Variants in ELFN1 observed in about 807,000 individuals in gnomAD.
The protein encoded by ELFN1 is extracellular leucine rich repeat and fibronectin type III domain containing 1, also known as protein ELFN1.
ELFN1 carries 6 observed loss-of-function variants against 7.6 expected under a neutral mutation model. The ratio of observed to expected loss-of-function variants is 0.79; its 90% confidence interval spans 0.43 to 1.56. ELFN1 has a LOEUF of 1.56. Among genes scored for constraint, ELFN1 ranks in the 40% most tolerant of loss-of-function variants. The pLI is 0.01. For missense variants in ELFN1, 1,169 were observed against 1,232.2 expected (o/e 0.95, Z 0.77); for synonymous variants, 657 against 588.1 (o/e 1.12, Z -1.70).
intron 3 of ELFN1, among the ~76,000 whole-genome samples, chr7:1,738,390 G>A (rs1391105080): frequency 6.6e-6 from 1 of 152,180 alleles, no homozygotes; most frequent in Non-Finnish European, 1.5e-5. Context: ...CCCCCTGCGG[G>A]CATGTCATAT....
At chr7:1,670,137 G>A (rs1778733753), upstream of ELFN1, among the ~76,000 whole-genome samples, 1 of 148,120 alleles carries the variant, frequency 6.8e-6, no homozygotes, top group South Asian at 2.2e-4. The surrounding 1 kb of genome is among the most constrained non-coding windows in gnomAD (Gnocchi z 6.4). Flanking sequence ...GGGCGAGGGA[G>A]CGAGGGAGGG....
chr7:1,747,340 G>A lies in ELFN1; in HGVS notation c.*257G>A. 1 of 209,156 alleles carries A rather than the reference G, an allele frequency of 4.8e-6. No individual in the cohort carries two copies. 13.0% of individuals were successfully genotyped at this position (209,156 alleles called of 1,614,324 possible). ...CACACACACACACACACACACGAGG[G>A]ACTTCGGAAAACTGTGTCTTAGGGA... On this transcript the variant is annotated 3_prime_UTR_variant, in exon 4 of 4. Transcript: ENST00000424383.
chr7:1,739,698 G>A lies in ELFN1; in HGVS notation c.-293-4606G>A, dbSNP rs1780553579. Among the ~76,000 whole-genome samples the A allele has an allele frequency of 6.6e-6, 1 of 152,178 alleles. No individual in the cohort carries two copies. Among genetic ancestry groups the A allele is most frequent in the Non-Finnish European group, 1.5e-5 (1 of 68,034 alleles). On this transcript the variant is annotated intron_variant, in intron 3 of 3. Transcript: ENST00000424383. The surrounding 1 kb of genome is among the most constrained non-coding windows in gnomAD (Gnocchi z 4.6). ...GGATGCTGGAGTGGAGAGGGCGGCAGGAGGGAGCCAGCAGCTTCCTGGGCC... is the reference window on the plus strand; with the variant it reads ...GGATGCTGGAGTGGAGAGGGCGGCAAGAGGGAGCCAGCAGCTTCCTGGGCC...
chr7:1,727,826 T>C lies in ELFN1; in HGVS notation c.-293-16478T>C, dbSNP rs188099257. ...TCTTGCTTTGTTGCCCAGTCGGATC[T>C]TGAACTCCTGGATTCAAGCAATCCT... is the stretch of plus-strand genomic sequence containing the variant. On this transcript the variant is annotated intron_variant, in intron 3 of 3. Coordinates refer to ENST00000424383, the MANE Select transcript of ELFN1 (RefSeq NM_001128636.4). Among the ~76,000 whole-genome samples, 1,019 of 152,274 alleles carry C rather than the reference T, an allele frequency of 6.7e-3. 11 individuals carry two copies. The highest frequency in any genetic ancestry group is 0.023 in the African/African-American group (940 of 41,554).
intron 1 of ELFN1, among the ~76,000 whole-genome samples, chr7:1,677,905 G>A (rs1227606994): frequency 3.3e-5 from 5 of 152,180 alleles, no homozygotes; most frequent in African/African-American, 1.2e-4. Flanking sequence ...AGGCAGGGAG[G>A]GACGTCAGGA....
intron 2 of ELFN1, chr7:1,693,622 G>A (rs1033122282): frequency 2.1e-5 from 10 of 471,098 alleles, no homozygotes; most frequent in Admixed American, 7.0e-5. Flanking sequence ...GAACACCTCC[G>A]GCGGTGCCCA....
chr7:1,702,712 A>G (rs1484200605), intron 2 of ELFN1, among the ~76,000 whole-genome samples: 2 of 151,358 alleles, frequency 1.3e-5, no homozygotes, highest in African/African-American at 2.5e-5. Context: ...AATTTTGGTA[A>G]CATATACATT....
rs370900123 is a variant in ELFN1, at chr7:1,733,057, C to T, written c.-293-11247C>T. Among the ~76,000 whole-genome samples the T allele has an allele frequency of 1.4e-4, 22 of 152,224 alleles. 1 individual carries two copies. The South Asian group carries it at 4.2e-3, about 29-fold the overall frequency. On this transcript the variant is annotated intron_variant, in intron 3 of 3. Transcript: ENST00000424383. ...CTGGGATTACAGGCACCTGCCACCA[C>T]GCCCGGCTAATTTTTGTATTTTTAG...
At chr7:1,732,480 A>G (rs796071073) in intron 3 of ELFN1, among the ~76,000 whole-genome samples, 1 of 152,154 alleles carries the variant, frequency 6.6e-6, no homozygotes, top group South Asian at 2.1e-4. Flanking sequence ...AGCACCAGAA[A>G]TCAGCCCGAG....
Position 1,725,645 on chromosome 7 carries a change from G to C in ELFN1, c.-294+16393G>C, listed in dbSNP as rs187165708. ...ATGTCCTCTGGCTGCCCCAGCTGTCGGACGCCCGCCTGCTGTGAGGCAGTA... is the reference window on the plus strand; with the variant it reads ...ATGTCCTCTGGCTGCCCCAGCTGTCCGACGCCCGCCTGCTGTGAGGCAGTA... On this transcript the variant is annotated intron_variant, in intron 3 of 3. Transcript: ENST00000424383. Among the ~76,000 whole-genome samples the C allele has an allele frequency of 2.6e-5, 4 of 152,312 alleles. No individual in the cohort carries two copies. The East Asian group carries it at 5.8e-4, about 22-fold the overall frequency.
chr7:1,709,589 A>G (rs1438550040), intron 3 of ELFN1, among the ~76,000 whole-genome samples: 1 of 152,272 alleles, frequency 6.6e-6, no homozygotes, highest in Non-Finnish European at 1.5e-5. Context: ...CCTGAGGATT[A>G]GAGGAGACTT....
chr7:1,746,607 G>T lies in ELFN1; in HGVS notation c.2011G>T (p.Glu671Ter). ...CGCGGCCGCCGAGGCCAAGTACATC[G>T]AGAAGGGCTCCCCCGCGGCCGACGC... ...KAAAAEAKYI[E>*]KGSPAADAIL... The change falls in exon 4 of 4, where the codon GAG becomes TAG. Residue 671 changes from glutamate to a stop codon, truncating the protein, a stop_gained. Coordinates refer to ENST00000424383, the MANE Select transcript of ELFN1 (RefSeq NM_001128636.4). LOFTEE classifies it low-confidence loss of function (END_TRUNC). 1 of 1,349,664 alleles carries T rather than the reference G, an allele frequency of 7.4e-7. No individual in the cohort carries two copies. Among genetic ancestry groups the T allele is most frequent in the South Asian group, 1.7e-5 (1 of 58,518 alleles). The allele number at this position is 1,349,664 out of a possible 1,614,324, so 83.6% of individuals were successfully genotyped here.
chr7:1,707,471 G>A (rs550461305), intron 2 of ELFN1, among the ~76,000 whole-genome samples: 8 of 152,332 alleles, frequency 5.3e-5, no homozygotes, highest in East Asian at 1.9e-4. Context: ...CTCCCAGCGC[G>A]GGAAGCAGGG....
chr7:1,669,028 C>T (rs1026468382), upstream of ELFN1, among the ~76,000 whole-genome samples: 4 of 152,168 alleles, frequency 2.6e-5, no homozygotes, highest in Non-Finnish European at 5.9e-5. Context: ...AAATTCGGGC[C>T]AGTGCTGGGG....
Position 1,746,009 on chromosome 7 carries a change from C to T in ELFN1, c.1413C>T (p.Tyr471=), listed in dbSNP as rs535141936. 2.5e-5 allele frequency: 38 copies of T among 1,543,100 alleles called. No homozygotes were observed. The highest frequency in any genetic ancestry group is 3.3e-4 in the Middle Eastern group (2 of 5,972). ...SLKKTIIELK[Y]GPELEAPGLA... ...AGAAGACCATCATCGAGCTCAAGTA[C>T]GGGCCAGAGCTGGAGGCGCCCGGCC... The change falls in exon 4 of 4, where the codon TAC becomes TAT. Residue 471 remains tyrosine, a synonymous_variant. Coordinates refer to ENST00000424383, the MANE Select transcript of ELFN1 (RefSeq NM_001128636.4).
At chr7:1,684,165 T>A (rs912114704) in intron 1 of ELFN1, among the ~76,000 whole-genome samples, 2 of 152,158 alleles carry the variant, frequency 1.3e-5, no homozygotes, top group African/African-American at 2.4e-5. Flanking sequence ...AAAAATTTTT[T>A]ACCTACTCCA....
Position 1,747,041 on chromosome 7 carries a change from C to T in ELFN1, c.2445C>T (p.Ile815=). Residue 815 remains isoleucine (I), a synonymous_variant, in exon 4 of 4, where the codon ATC becomes ATT. Transcript: ENST00000424383. Reference sequence around the variant, plus strand: ...CCAAAGACGAGGATCTGCACGACATCCTGGACTACTGGAAGGGCGTGTCGG... The same window carrying T: ...CCAAAGACGAGGATCTGCACGACATTCTGGACTACTGGAAGGGCGTGTCGG... ...QFAKDEDLHD[I]LDYWKGVSAQ... is the part of the protein sequence containing the mutation. 4 of 1,543,236 alleles carry T rather than the reference C, an allele frequency of 2.6e-6. No homozygotes were observed. The highest frequency in any genetic ancestry group is 8.8e-7 in the Non-Finnish European group (1 of 1,141,450).
At chr7:1,680,092 C>G (rs1418341338) in intron 1 of ELFN1, among the ~76,000 whole-genome samples, 1 of 152,202 alleles carries the variant, frequency 6.6e-6, no homozygotes, top group African/African-American at 2.4e-5. Context: ...ATTCACCTAC[C>G]CAGTGGACAT....
In ELFN1 at chr7:1,693,095, G is replaced by A. The variant is rs892301528; in HGVS notation, c.-456+4945G>A. On this transcript the variant is annotated intron_variant, in intron 2 of 3. Coordinates refer to ENST00000424383, the MANE Select transcript of ELFN1 (RefSeq NM_001128636.4). ...GATTCAGCCCCAGCTGGGCTGGCCC[G>A]TCCTTCACCCTCCTTAAGGGGTGCA... 1.9e-4 allele frequency: 61 copies of A among 329,260 alleles called. 1 individual carries two copies. The highest frequency in any genetic ancestry group is 1.3e-3 in the South Asian group (54 of 40,154). 20.4% of individuals were successfully genotyped at this position (329,260 alleles called of 1,614,324 possible). A position where few individuals can be genotyped will look rare whatever the true frequency, so the allele number is the denominator to read the frequency against.
Sources: allele counts gnomAD v4.1 joint callset (sites outside exome capture counted in the v4.1 genomes callset), GRCh38; gene constraint gnomAD v4.1.1; non-coding constraint Gnocchi (gnomAD v3.1); transcripts MANE v1.5; gene names NCBI Gene and HGNC (gene_info 2026-07-23, HGNC 2026-07-21).